Variants in ZMYM4 observed in about 807,000 individuals in gnomAD.
ZMYM4 encodes the protein zinc finger MYM-type containing 4, also known as zinc finger MYM-type protein 4.
A neutral mutation model predicts 183.2 loss-of-function variants in ZMYM4; 31 were observed. The ratio of observed to expected loss-of-function variants is 0.17; its 90% CI spans 0.13 to 0.23. ZMYM4 has a LOEUF of 0.23. Among genes scored for constraint, ZMYM4 ranks in the 10% least tolerant of loss-of-function variants. ZMYM4 has a pLI of 1.00. For missense variants in ZMYM4, 1,273 were observed against 1,840.3 expected, an observed-to-expected ratio of 0.69 and a Z score of 5.64; for synonymous variants, 592 against 631.2, an observed-to-expected ratio of 0.94 and a Z score of 0.93.
intron 2 of ZMYM4, among the ~76,000 whole-genome samples, chr1:35,333,615 C>T (rs754492735): frequency 9.9e-5 from 15 of 152,154 alleles, no homozygotes; most frequent in South Asian, 6.2e-4. Flanking sequence ...GCCTCACCTT[C>T]CCATATCATT....
intron 1 of ZMYM4, among the ~76,000 whole-genome samples, chr1:35,270,720 T>G (rs531241661): frequency 6.6e-6 from 1 of 152,104 alleles, no homozygotes; most frequent in East Asian, 1.9e-4. Flanking sequence ...GTGGTAGCAG[T>G]GAGCCGAGAT....
chr1:35,316,669 CAAGAG>C (rs1481588528), intron 1 of ZMYM4, among the ~76,000 whole-genome samples: 3 of 151,924 alleles, frequency 2.0e-5, no homozygotes, highest in Non-Finnish European at 2.9e-5. Flanking sequence ...AATGGATACT[CAAGAG>C]GAGAGAATTT....
At chr1:35,379,833 G>T (rs1644414430) in intron 7 of ZMYM4, among the ~76,000 whole-genome samples, 2 of 152,204 alleles carry the variant, frequency 1.3e-5, no homozygotes, top group South Asian at 4.1e-4. Flanking sequence ...TACAGAAGTG[G>T]CTGGTCAATG....
intron 29 of ZMYM4, among the ~76,000 whole-genome samples, chr1:35,418,810 T>C (rs1347098733): frequency 6.6e-6 from 1 of 152,244 alleles, no homozygotes; most frequent in Non-Finnish European, 1.5e-5. Context: ...TTGTTTGATC[T>C]TTACAACTGT....
At chr1:35,361,921 C>A in intron 5 of ZMYM4, 132 bp downstream of exon 5, 2 of 1,192,558 alleles carry the variant, frequency 1.7e-6, no homozygotes, top group Non-Finnish European at 2.3e-6. Flanking sequence ...AAGGTTGAGG[C>A]GATTTGAATT....
intron 24 of ZMYM4, 64 bp downstream of exon 24, chr1:35,405,258 A>G: frequency 6.3e-7 from 1 of 1,590,064 alleles, no homozygotes; most frequent in Non-Finnish European, 8.6e-7. Context: ...TAATCTACTG[A>G]AAAGGGATAC....
At chr1:35,269,792 TA>T (rs1463487219) in intron 1 of ZMYM4, among the ~76,000 whole-genome samples, 3 of 152,228 alleles carry the variant, frequency 2.0e-5, no homozygotes, top group African/African-American at 7.2e-5. Flanking sequence ...GTTGTTTGAA[TA>T]CCTTTTAAAG....
chr1:35,354,455 G>A (rs541007354), intron 2 of ZMYM4, among the ~76,000 whole-genome samples: 204 of 152,256 alleles, frequency 1.3e-3, no homozygotes, highest in Non-Finnish European at 2.4e-3. Flanking sequence ...GCTGGGCGTG[G>A]TGTCAAACGC....
At chr1:35,414,874 C>CT (rs1211642978) in intron 27 of ZMYM4, among the ~76,000 whole-genome samples, 2 of 151,834 alleles carry the variant, frequency 1.3e-5, no homozygotes, top group South Asian at 2.1e-4. Context: ...AGGTGAAACT[C>CT]TGTCTCTACA....
At chr1:35,405,332 ATTTT>A in intron 24 of ZMYM4, 37 bp from the exon 25 acceptor site, 1 of 1,581,620 alleles carries the variant, frequency 6.3e-7, no homozygotes, top group Non-Finnish European at 8.5e-7. Flanking sequence ...CCGCACTTTT[ATTTT>A]ATTTAAACTT....
intron 2 of ZMYM4, among the ~76,000 whole-genome samples, chr1:35,358,478 C>T (rs1282719866): frequency 1.3e-5 from 2 of 152,036 alleles, no homozygotes; most frequent in Admixed American, 1.3e-4. Flanking sequence ...ATTTTATATT[C>T]CCTTCTATTT....
chr1:35,333,903 A>C (rs1374134817), intron 2 of ZMYM4, among the ~76,000 whole-genome samples: 5 of 152,022 alleles, frequency 3.3e-5, no homozygotes, highest in Non-Finnish European at 7.4e-5. Flanking sequence ...CTTTGTTTTT[A>C]GGCATTTATG....
Position 35,392,225 on chromosome 1 carries a change from G to C in ZMYM4, c.2601G>C (p.Met867Ile), listed in dbSNP as rs767925908. ...TATTTTAATCAGCAAATATTTCCAT[G>C]GTTCAAGCTGCTTCAGCAGGACCCC... is the stretch of plus-strand genomic sequence containing the variant. The part of the protein sequence containing the change: ...PSQNNAANIS[M>I]VQAASAGPPS... Residue 867 changes from methionine to isoleucine, a missense_variant, in exon 16 of 30, where the codon ATG (methionine) becomes ATC (isoleucine). By Grantham distance (10) the Met-to-Ile change is conservative. Transcript: ENST00000314607. The C allele has an allele frequency of 8.7e-6, 14 of 1,614,002 alleles. 1 individual carries two copies. The South Asian group carries it at 1.1e-4, about 13-fold the overall frequency.
intron 1 of ZMYM4, among the ~76,000 whole-genome samples, chr1:35,289,296 G>A (rs773913543): frequency 2.6e-5 from 4 of 152,166 alleles, no homozygotes; most frequent in Non-Finnish European, 4.4e-5. Context: ...GAAGCTATTG[G>A]TATAATTCAG....
chr1:35,285,645 G>T (rs1164767019), intron 1 of ZMYM4, among the ~76,000 whole-genome samples: 1 of 152,170 alleles, frequency 6.6e-6, no homozygotes, highest in Admixed American at 6.5e-5. Flanking sequence ...TGTATTAGGT[G>T]TTATAAGTAA....
chr1:35,416,510 T>A (rs61664718), intron 28 of ZMYM4, among the ~76,000 whole-genome samples: 1 of 152,208 alleles, frequency 6.6e-6, no homozygotes, highest in South Asian at 2.1e-4. Flanking sequence ...TGTGTCCTGT[T>A]TGCTTAGTTT....
Position 35,404,518 on chromosome 1 carries a change from A to T in ZMYM4, c.3529-505A>T, listed in dbSNP as rs191786077. ...GTAAATTTTATTTTCATTTTCCTTTAAGTTCAAAATGTTTTGTGATTGCAT... is the reference window on the plus strand; with the variant it reads ...GTAAATTTTATTTTCATTTTCCTTTTAGTTCAAAATGTTTTGTGATTGCAT... On this transcript the variant is annotated intron_variant, in intron 23 of 29. Transcript: ENST00000314607. Among the ~76,000 whole-genome samples, 1,045 of 152,264 alleles carry T rather than the reference A, an allele frequency of 6.9e-3. 4 individuals are homozygous for T. The highest frequency in any genetic ancestry group is 0.027 in the Middle Eastern group (8 of 294).
chr1:35,287,509 C>G (rs1640561175), intron 1 of ZMYM4, among the ~76,000 whole-genome samples: 1 of 152,102 alleles, frequency 6.6e-6, no homozygotes, highest in South Asian at 2.1e-4. Flanking sequence ...CAACTGAACT[C>G]CTACTTCCTT....
At chr1:35,302,046 A>T (rs1233109374) in intron 1 of ZMYM4, among the ~76,000 whole-genome samples, 1 of 152,114 alleles carries the variant, frequency 6.6e-6, no homozygotes, top group South Asian at 2.1e-4. Flanking sequence ...ACTCTCTGTT[A>T]CTTCATAATA....
Sources: gnomAD v4.1 joint callset for allele counts (sites outside exome capture counted in the v4.1 genomes callset) on GRCh38, gnomAD v4.1.1 for gene constraint, MANE v1.5 for transcripts, NCBI Gene and HGNC (gene_info 2026-07-23, HGNC 2026-07-21) for gene names.